SUGCT: variants seen among roughly 807,000 people sequenced by gnomAD.
SUGCT encodes the protein succinyl-CoA:glutarate CoA-transferase.
SUGCT carries 41 observed loss-of-function variants against 55.0 expected under a neutral mutation model. The observed-to-expected ratio is 0.74, with a 90% confidence interval of 0.58 to 0.97. The LOEUF is 0.97. Among genes scored for constraint, SUGCT ranks in the 50% least tolerant of loss-of-function variants. The pLI is 0.00. For missense variants in SUGCT, 568 were observed against 547.8 expected, an observed-to-expected ratio of 1.04 and a Z score of -0.37; for synonymous variants, 187 against 200.4, an observed-to-expected ratio of 0.93 and a Z score of 0.56.
At chr7:40,425,675 C>T (rs1277885834) in intron 9 of SUGCT, among the ~76,000 whole-genome samples, 1 of 152,076 alleles carries the variant, frequency 6.6e-6, no homozygotes, top group Admixed American at 6.6e-5. Context: ...GGGATCCTTA[C>T]CTGGTAACAG....
At chr7:40,711,493 C>T (rs1384435420) in intron 12 of SUGCT, among the ~76,000 whole-genome samples, 1 of 151,926 alleles carries the variant, frequency 6.6e-6, no homozygotes, top group Non-Finnish European at 1.5e-5. Flanking sequence ...CAGAGCAAGA[C>T]TCTATCTAAA....
At chr7:40,485,417 C>CTTTTTTTTTTTTT (rs397889166) in intron 11 of SUGCT, among the ~76,000 whole-genome samples, 5 of 74,446 alleles carry the variant, frequency 6.7e-5, no homozygotes, top group Non-Finnish European at 7.3e-5. Context: ...TATATACATT[C>CTTTTTTTTTTTTT]TTTTTTTTTT....
chr7:40,702,362 G>C (rs1785203754), intron 12 of SUGCT, among the ~76,000 whole-genome samples: 1 of 152,220 alleles, frequency 6.6e-6, no homozygotes, highest in Non-Finnish European at 1.5e-5. Flanking sequence ...TGTTCCAGGT[G>C]AGGGAAATAA....
intron 1 of SUGCT, among the ~76,000 whole-genome samples, chr7:40,146,120 G>C (rs1347710468): frequency 6.6e-6 from 1 of 150,388 alleles, no homozygotes; most frequent in Non-Finnish European, 1.5e-5. Context: ...TTTTGACTTA[G>C]TATAGTTCTG....
At chr7:40,448,034 A>G (rs1187551178) in intron 9 of SUGCT, among the ~76,000 whole-genome samples, 1 of 152,174 alleles carries the variant, frequency 6.6e-6, no homozygotes, top group African/African-American at 2.4e-5. Context: ...ATCGCTGTCC[A>G]CAGGAACCTG....
chr7:40,941,841 T>C, the SUGCT span, among the ~76,000 whole-genome samples: 1 of 152,144 alleles, frequency 6.6e-6, no homozygotes, highest in African/African-American at 2.4e-5. Context: ...TTATTTTTAC[T>C]GTTGTTGCCT....
intron 12 of SUGCT, among the ~76,000 whole-genome samples, chr7:40,654,881 G>GGGAA (rs1241049723): frequency 6.6e-6 from 1 of 152,030 alleles, no homozygotes; most frequent in Non-Finnish European, 1.5e-5. Context: ...ATTCAAGTGG[G>GGGAA]GGAAAATAGA....
intron 12 of SUGCT, among the ~76,000 whole-genome samples, chr7:40,528,213 A>C (rs1793906430): frequency 6.6e-6 from 1 of 152,174 alleles, no homozygotes; most frequent in African/African-American, 2.4e-5. Flanking sequence ...ATAGATGCTC[A>C]ATCAGTGTTG....
At chr7:41,030,569 G>T in the SUGCT span, among the ~76,000 whole-genome samples, 1 of 152,122 alleles carries the variant, frequency 6.6e-6, no homozygotes, top group Non-Finnish European at 1.5e-5. Context: ...TTTTCCTGCT[G>T]AGAAATTTTA....
intron 12 of SUGCT, among the ~76,000 whole-genome samples, chr7:40,610,127 A>G (rs1798704730): frequency 6.6e-6 from 1 of 152,204 alleles, no homozygotes; most frequent in Non-Finnish European, 1.5e-5. Flanking sequence ...GCAGGACACC[A>G]CTTCCTTCTG....
At chr7:40,916,232 T>C in the SUGCT span, among the ~76,000 whole-genome samples, 1 of 152,310 alleles carries the variant, frequency 6.6e-6, no homozygotes, top group South Asian at 2.1e-4. Flanking sequence ...CCTAATATTT[T>C]GTATGGGATC....
At chr7:40,838,262 G>A (rs1015758049) in intron 13 of SUGCT, among the ~76,000 whole-genome samples, 8 of 152,078 alleles carry the variant, frequency 5.3e-5, no homozygotes, top group African/African-American at 1.9e-4. Context: ...ATAAAATTTA[G>A]AATAGGCTTA....
rs77590680 is a variant in SUGCT, at chr7:40,668,845, A to G, written c.1090-80589A>G. On this transcript the variant is annotated intron_variant, in intron 12 of 13. Transcript: ENST00000335693. ...TGTACTCTAGCCAAACACCACTGAA[A>G]AACTGTGAACTCACCCCCAGTCACT... is the stretch of plus-strand genomic sequence containing the variant. 5.1e-3 allele frequency among the ~76,000 whole-genome samples: 772 copies of G among 152,264 alleles called. 8 individuals carry two copies. Among genetic ancestry groups the G allele is most frequent in the Non-Finnish European group, 9.6e-3 (650 of 68,018 alleles).
intron 8 of SUGCT, among the ~76,000 whole-genome samples, chr7:40,280,450 A>C (rs1010733272): frequency 1.3e-5 from 2 of 152,174 alleles, no homozygotes; most frequent in African/African-American, 4.8e-5. Context: ...GGAAGTTTTA[A>C]TGTCCTTACT....
chr7:40,188,433 CCAA>C, intron 3 of SUGCT, 59 bp from the exon 4 acceptor site: 1 of 851,568 alleles, frequency 1.2e-6, no homozygotes, highest in Non-Finnish European at 1.6e-6. Flanking sequence ...GACTCCATCT[CCAA>C]AAAAAAAAAA....
chr7:40,363,793 A>T (rs1157161726), intron 9 of SUGCT, among the ~76,000 whole-genome samples: 3 of 152,140 alleles, frequency 2.0e-5, no homozygotes, highest in African/African-American at 7.2e-5. Context: ...TATTCTGTTG[A>T]TTTGGGGTGG....
chr7:40,695,712 G>A (rs971988269), intron 12 of SUGCT, among the ~76,000 whole-genome samples: 12 of 152,116 alleles, frequency 7.9e-5, no homozygotes, highest in African/African-American at 2.9e-4. Flanking sequence ...TTTAGTGTTG[G>A]CACTACTGAC....
At chr7:40,204,461 C>T (rs1484901769) in intron 6 of SUGCT, among the ~76,000 whole-genome samples, 2 of 152,030 alleles carry the variant, frequency 1.3e-5, no homozygotes. Flanking sequence ...CGCCACCATG[C>T]CCGACTAATT....
At position 40,719,083 on chromosome 7, in the gene SUGCT, C is replaced by T. The variant is rs903210048; in HGVS notation, c.1090-30351C>T. Among the ~76,000 whole-genome samples, 8 of 152,152 alleles carry T rather than the reference C, an allele frequency of 5.3e-5. No homozygotes were observed. In the East Asian group the frequency reaches 9.6e-4, roughly 18 times the overall value. On this transcript the variant is annotated intron_variant, in intron 12 of 13. Coordinates refer to ENST00000335693, the MANE Select transcript of SUGCT (RefSeq NM_001193313.2). ...GTCCTTAAGATAAAGCCCGATGCCC[C>T]GACATAGCTTATGGAGCCATATGTG...
Sources: allele counts gnomAD v4.1 joint callset (sites outside exome capture counted in the v4.1 genomes callset), GRCh38; gene constraint gnomAD v4.1.1; transcripts MANE v1.5; gene names NCBI Gene and HGNC (gene_info 2026-07-23, HGNC 2026-07-21).